Variants in SCN3A observed in about 807,000 individuals in gnomAD.
SCN3A encodes the protein sodium voltage-gated channel alpha subunit 3.
A neutral mutation model predicts 187.6 loss-of-function variants in SCN3A; 60 were observed. That is an observed-to-expected ratio of 0.32 (90% CI 0.26 to 0.40). The LOEUF (loss-of-function observed/expected upper bound fraction) is 0.40. Among genes scored for constraint, SCN3A ranks in the 10% least tolerant of loss-of-function variants. The pLI is 1.00. For missense variants in SCN3A, 1,601 were observed against 2,428.2 expected (o/e 0.66, Z 7.16); for synonymous variants, 788 against 829.2 (o/e 0.95, Z 0.85).
chr2:165,131,202 A>G, intron 16 of SCN3A, 42 bp downstream of exon 16: 1 of 1,309,024 alleles, frequency 7.6e-7, no homozygotes. Context: ...TTCAAAATAA[A>G]TGTTGTGCCA....
At chr2:165,147,703 C>T (rs1476693833) in intron 11 of SCN3A, among the ~76,000 whole-genome samples, 1 of 152,034 alleles carries the variant, frequency 6.6e-6, no homozygotes, top group Non-Finnish European at 1.5e-5. Context: ...AAATGATTAA[C>T]ATAGCATTAC....
rs76493643 is a variant in SCN3A at position 165,096,326 on chromosome 2, A to G, written c.4293+141T>C. On this transcript the variant is annotated intron_variant, in intron 24 of 27. Transcript: ENST00000283254. ...GGCACACATTAATCAAGCATCATCT[A>G]TATTGAAGCAGACTGTTCATTTTTT... The G allele has an allele frequency of 9.6e-3, 6,354 of 662,766 alleles. 310 individuals are homozygous for G. In the African/African-American group the frequency reaches 0.1, roughly 11 times the overall value. The allele number at this position is 662,766 out of a possible 1,614,324, so 41.1% of individuals were successfully genotyped here.
At chr2:165,184,648 A>C (rs1311082620) in intron 2 of SCN3A, among the ~76,000 whole-genome samples, 1 of 152,212 alleles carries the variant, frequency 6.6e-6, no homozygotes, top group African/African-American at 2.4e-5. Context: ...ATAATCTAAG[A>C]AATGTAGCAA....
intron 12 of SCN3A, among the ~76,000 whole-genome samples, chr2:165,146,130 G>A (rs1295762970): frequency 2.0e-5 from 3 of 151,866 alleles, no homozygotes; most frequent in African/African-American, 4.8e-5. Flanking sequence ...AATGTATCAC[G>A]GCATGACCCT....
At chr2:165,139,767 TTTTA>T in intron 13 of SCN3A, 159 bp from the exon 14 acceptor site, 1 of 901,706 alleles carries the variant, frequency 1.1e-6, no homozygotes, top group Non-Finnish European at 1.7e-6. Context: ...ACAGTTTTTT[TTTTA>T]AAAAAAAGTT....
chr2:165,092,083 G>C lies in SCN3A; in HGVS notation c.4807+171C>G, dbSNP rs540274704. ...TCCTAACATGGTTTCTAACTAGTTA[G>C]CTTTGTGAATAAACCCAGGTTTCAG... On this transcript the variant is annotated intron_variant, in intron 27 of 27. Transcript: ENST00000283254. This position sits in a 1 kb window ranked among gnomAD's most constrained non-coding sequence, Gnocchi z 4.2. 13 of 682,206 alleles carry C rather than the reference G, an allele frequency of 1.9e-5. No homozygotes were observed. Among genetic ancestry groups the C allele is most frequent in the Non-Finnish European group, 2.8e-5 (11 of 393,430 alleles). The allele number at this position is 682,206 out of a possible 1,614,324, so 42.3% of individuals were successfully genotyped here.
At chr2:165,134,816 G>A (rs1245072063) in intron 15 of SCN3A, among the ~76,000 whole-genome samples, 1 of 151,702 alleles carries the variant, frequency 6.6e-6, no homozygotes, top group Non-Finnish European at 1.5e-5. Flanking sequence ...ATTATTTAAG[G>A]TGAGCTAGAA....
rs577226957 is a variant in SCN3A, at chr2:165,186,718, C to T, written c.-218G>A. 1.3e-5 allele frequency: 2 copies of T among 152,260 alleles called. No individual in the cohort carries two copies. The highest frequency in any genetic ancestry group is 3.4e-3 in the Middle Eastern group (1 of 294). The allele number at this position is 152,260 out of a possible 1,614,324, so 9.4% of individuals were successfully genotyped here. ...TCATCCCTGTCAAACCTTGATGTGG[C>T]TTGGCTTCAGTTTTCTTGCTCCATA... is the stretch of plus-strand genomic sequence containing the variant. On this transcript the variant is annotated 5_prime_UTR_variant, in exon 2 of 28. Transcript: ENST00000283254.
At chr2:165,149,013 ATCCAAATAAAG>A (rs1269515636) in intron 11 of SCN3A, among the ~76,000 whole-genome samples, 1 of 152,080 alleles carries the variant, frequency 6.6e-6, no homozygotes. Context: ...ACCCTTTCTT[ATCCAAATAAAG>A]TCCTTAATTC....
Position 165,113,825 on chromosome 2 carries a change from A to G in SCN3A, c.3660T>C (p.Ser1220=), listed in dbSNP as rs772726237. ...TFIVFMILLS[S]GALAFEDIYI... is the part of the protein sequence containing the mutation. ...TATGCATTTCACTTACCAATGCACC[A>G]CTACTGAGAAGGATCATGAACACAA... Residue 1220 remains serine (S), a synonymous_variant, in exon 20 of 28, where the codon AGT becomes AGC. Coordinates refer to ENST00000283254, the MANE Select transcript of SCN3A (RefSeq NM_006922.4). 2 of 1,613,926 alleles carry G rather than the reference A, an allele frequency of 1.2e-6. No homozygotes were observed. The highest frequency in any genetic ancestry group is 1.7e-6 in the Non-Finnish European group (2 of 1,179,860).
intron 12 of SCN3A, among the ~76,000 whole-genome samples, chr2:165,145,924 TA>T (rs1329146189): frequency 2.0e-5 from 3 of 152,140 alleles, no homozygotes; most frequent in African/African-American, 7.2e-5. Context: ...AATTATTCTT[TA>T]CATCAGACAT....
chr2:165,122,230 C>CTTTTTTTTTT (rs776949572), intron 18 of SCN3A, among the ~76,000 whole-genome samples: 11 of 113,940 alleles, frequency 9.7e-5, no homozygotes, highest in Non-Finnish European at 1.6e-4. Context: ...TTCTTTCTTT[C>CTTTTTTTTTT]TTTTTTTTCT....
intron 11 of SCN3A, among the ~76,000 whole-genome samples, chr2:165,153,279 TA>T (rs1688805136): frequency 6.6e-6 from 1 of 152,114 alleles, no homozygotes; most frequent in Non-Finnish European, 1.5e-5. Context: ...ACTCATATGT[TA>T]TACAAAAATT....
At chr2:165,175,188 C>T (rs1026045951) in intron 3 of SCN3A, among the ~76,000 whole-genome samples, 1 of 152,080 alleles carries the variant, frequency 6.6e-6, no homozygotes, top group Non-Finnish European at 1.5e-5. Flanking sequence ...TAATATCTTC[C>T]ATAATCTATA....
chr2:165,154,997 C>T (rs115351160), intron 10 of SCN3A, among the ~76,000 whole-genome samples: 3,120 of 152,240 alleles, frequency 0.02, 112 homozygotes, highest in African/African-American at 0.071. Flanking sequence ...AGTGGGATTC[C>T]ATTTGCACTG....
intron 11 of SCN3A, among the ~76,000 whole-genome samples, chr2:165,150,748 C>G (rs1415927227): frequency 1.3e-5 from 2 of 152,032 alleles, no homozygotes. Flanking sequence ...AAAATGGCTG[C>G]ATTTTAGAAT....
intron 3 of SCN3A, among the ~76,000 whole-genome samples, chr2:165,174,022 C>T (rs928993925): frequency 6.6e-6 from 1 of 152,132 alleles, no homozygotes; most frequent in African/African-American, 2.4e-5. Context: ...AACTTGAAAA[C>T]CTGATATATA....
chr2:165,144,337 A>G (rs182666279), intron 12 of SCN3A, among the ~76,000 whole-genome samples: 2 of 152,180 alleles, frequency 1.3e-5, no homozygotes, highest in African/African-American at 4.8e-5. Flanking sequence ...GAAATTATCC[A>G]TCTATCTTCT....
intron 3 of SCN3A, 71 bp from the exon 4 acceptor site, chr2:165,170,619 GAACTTTTTAAAAAAT>G (rs1396984237): frequency 2.3e-5 from 21 of 924,540 alleles, no homozygotes; most frequent in Non-Finnish European, 3.7e-5. Context: ...CATACATGAA[GAACTTTTTAAAAAAT>G]AGAATTTGTT....
Sources: allele counts gnomAD v4.1 joint callset (sites outside exome capture counted in the v4.1 genomes callset), GRCh38; gene constraint gnomAD v4.1.1; non-coding constraint Gnocchi (gnomAD v3.1); transcripts MANE v1.5; gene names NCBI Gene and HGNC (gene_info 2026-07-23, HGNC 2026-07-21).